CHST9: variants seen among roughly 807,000 people sequenced by gnomAD.
CHST9 encodes the protein carbohydrate sulfotransferase 9, also known as GalNAc-4-sulfotransferase 2.
CHST9 carries 41 observed loss-of-function variants against 44.4 expected under a neutral mutation model. The observed-to-expected ratio is 0.92, with a 90% CI of 0.72 to 1.20. The LOEUF is 1.20. Ranked by LOEUF, CHST9 falls within the 50% of genes most tolerant of loss-of-function variation. The probability of loss-of-function intolerance (pLI) is 0.00; values close to 1 mark genes in which losing one functional copy is unlikely to be tolerated. For synonymous variants in CHST9, 171 were observed against 178.4 expected, an observed-to-expected ratio of 0.96 and a Z score of 0.33; for missense variants, 504 against 516.5, an observed-to-expected ratio of 0.98 and a Z score of 0.23.
intron 3 of CHST9, among the ~76,000 whole-genome samples, chr18:27,025,607 T>C (rs2143471026): frequency 6.6e-6 from 1 of 152,322 alleles, no homozygotes; most frequent in Middle Eastern, 3.4e-3. Flanking sequence ...TACTGGCCAT[T>C]CTACTTGATT....
chr18:27,030,563 T>C (rs1412311235), intron 3 of CHST9, among the ~76,000 whole-genome samples: 1 of 152,224 alleles, frequency 6.6e-6, no homozygotes, highest in Non-Finnish European at 1.5e-5. Flanking sequence ...CAGGATGCCC[T>C]GCATAAAGCC....
At chr18:27,044,065 C>G (rs905588384) in intron 3 of CHST9, among the ~76,000 whole-genome samples, 6 of 149,302 alleles carry the variant, frequency 4.0e-5, no homozygotes, top group African/African-American at 1.5e-4. Context: ...GCCCTTCCCC[C>G]CCCTTTATTT....
At chr18:27,177,460 A>G (rs2058877375) in intron 1 of CHST9, among the ~76,000 whole-genome samples, 1 of 151,900 alleles carries the variant, frequency 6.6e-6, no homozygotes, top group Non-Finnish European at 1.5e-5. Context: ...AAAAAAAAAG[A>G]AAGAAAACAA....
Position 26,916,615 on chromosome 18 carries a change from A to T in CHST9, c.976T>A (p.Ser326Thr), listed in dbSNP as rs576654934. 4 of 1,613,828 alleles carry T rather than the reference A, an allele frequency of 2.5e-6. No homozygotes were observed. In the African/African-American group the frequency reaches 5.3e-5, roughly 22 times the overall value. ...ATAAACTCTTTGAACTTGACTCCAG[A>T]TCCATTAATTAATGCTTCTTCACAG... Reference protein sequence around the residue: ...NACEEALINGSGVKFKEFIHY... With the variant: ...NACEEALINGTGVKFKEFIHY... Residue 326 changes from serine to threonine, a missense_variant, in exon 6 of 6, where the codon TCT becomes ACT. Physicochemically the swap from Ser to Thr is moderately conservative, Grantham distance 58 (BLOSUM62 1). Coordinates refer to ENST00000618847, the MANE Select transcript of CHST9 (RefSeq NM_031422.6).
intron 2 of CHST9, among the ~76,000 whole-genome samples, chr18:27,141,904 T>C (rs1440159759): frequency 1.3e-5 from 2 of 152,132 alleles, no homozygotes; most frequent in East Asian, 3.8e-4. Context: ...ATTTCTATGA[T>C]ATTCTAAGTT....
intron 1 of CHST9, among the ~76,000 whole-genome samples, chr18:27,175,535 G>T (rs971818295): frequency 6.6e-6 from 1 of 152,064 alleles, no homozygotes; most frequent in Non-Finnish European, 1.5e-5. Context: ...AGAGGAAAGA[G>T]AAATAGAACG....
intron 2 of CHST9, among the ~76,000 whole-genome samples, chr18:27,052,286 A>G (rs902939543): frequency 1.4e-5 from 1 of 69,652 alleles, no homozygotes; most frequent in Non-Finnish European, 4.9e-5. Context: ...ATGTATATAT[A>G]TGTGTGTATA....
intron 5 of CHST9, among the ~76,000 whole-genome samples, chr18:26,938,797 A>G (rs1337675943): frequency 6.6e-6 from 1 of 152,210 alleles, no homozygotes; most frequent in East Asian, 1.9e-4. Flanking sequence ...ACCATTATTC[A>G]TAATGACCAT....
In CHST9 at chr18:27,096,004, G is replaced by C. The variant is rs1429681179; in HGVS notation, c.121+46685C>G. On this transcript the variant is annotated intron_variant, in intron 2 of 5. Coordinates refer to ENST00000618847, the MANE Select transcript of CHST9 (RefSeq NM_031422.6). ...GGACATTTTTTAAAATCTGCACATG[G>C]AACATACTCCAAGATTGACCACATG... Among the ~76,000 whole-genome samples the C allele has an allele frequency of 2.0e-5, 3 of 151,946 alleles. No individual in the cohort carries two copies. In the East Asian group the frequency reaches 5.8e-4, roughly 29 times the overall value.
intron 4 of CHST9, among the ~76,000 whole-genome samples, chr18:27,007,930 G>A (rs2057035951): frequency 6.6e-6 from 1 of 152,146 alleles, no homozygotes; most frequent in Non-Finnish European, 1.5e-5. Context: ...ATCATTTACT[G>A]ACTGATTTAT....
intron 1 of CHST9, among the ~76,000 whole-genome samples, chr18:27,174,656 A>T (rs915880545): frequency 3.3e-5 from 5 of 151,938 alleles, no homozygotes; most frequent in African/African-American, 4.8e-5. Flanking sequence ...TGGTTGCAAA[A>T]ATGTGGCTCT....
chr18:26,942,197 GC>G (rs1468946095), intron 5 of CHST9, among the ~76,000 whole-genome samples: 1 of 152,078 alleles, frequency 6.6e-6, no homozygotes, highest in Non-Finnish European at 1.5e-5. Flanking sequence ...TTGACTCTCT[GC>G]CAGAGTTTAT....
chr18:27,026,402 A>T (rs553049115), intron 3 of CHST9, among the ~76,000 whole-genome samples: 1 of 152,282 alleles, frequency 6.6e-6, no homozygotes, highest in East Asian at 1.9e-4. Flanking sequence ...TATTGAATTA[A>T]CCTAAATTTC....
intron 3 of CHST9, among the ~76,000 whole-genome samples, chr18:27,027,900 T>C (rs1410341336): frequency 6.6e-6 from 1 of 152,152 alleles, no homozygotes; most frequent in East Asian, 1.9e-4. Flanking sequence ...TTTATTTTAT[T>C]TTATTTTGTA....
chr18:27,048,518 G>A lies in CHST9; in HGVS notation c.122-15C>T. On this transcript the variant is annotated splice_polypyrimidine_tract_variant and intron_variant, in intron 2 of 5. Coordinates refer to ENST00000618847, the MANE Select transcript of CHST9 (RefSeq NM_031422.6). The stretch of plus-strand genomic sequence containing the variant: ...CTCCACTCTCCCTGAAATGAGAAGT[G>A]GAAGATAAGTTACAGCATGGAGTCA... 1.3e-6 allele frequency: 2 copies of A among 1,598,360 alleles called. No homozygotes were observed. Among genetic ancestry groups the A allele is most frequent in the East Asian group, 4.5e-5 (2 of 44,280 alleles).
At chr18:26,938,086 AT>A (rs35369219) in intron 5 of CHST9, among the ~76,000 whole-genome samples, 39,917 of 151,260 alleles carry the variant, frequency 0.26, 5,659 homozygotes, top group East Asian at 0.48. Context: ...TCCAACCACT[AT>A]TTTCTTCTTG....
At chr18:27,173,116 A>AT (rs1182518907) in intron 1 of CHST9, among the ~76,000 whole-genome samples, 9 of 152,102 alleles carry the variant, frequency 5.9e-5, no homozygotes, top group Non-Finnish European at 1.2e-4. Context: ...AAATTTATAA[A>AT]TATTTTTATT....
At chr18:27,078,507 A>G (rs2057929209) in intron 2 of CHST9, among the ~76,000 whole-genome samples, 1 of 152,182 alleles carries the variant, frequency 6.6e-6, no homozygotes, top group African/African-American at 2.4e-5. Context: ...CATATATTAT[A>G]ATCTTAAACC....
intron 4 of CHST9, among the ~76,000 whole-genome samples, chr18:26,946,211 G>A (rs537198960): frequency 6.6e-6 from 1 of 152,270 alleles, no homozygotes; most frequent in African/African-American, 2.4e-5. Flanking sequence ...GAAAAGGTTG[G>A]CCTTTTAAAT....
Sources: allele counts gnomAD v4.1 joint callset (sites outside exome capture counted in the v4.1 genomes callset), GRCh38; gene constraint gnomAD v4.1.1; transcripts MANE v1.5; gene names NCBI Gene and HGNC (gene_info 2026-07-23, HGNC 2026-07-21).